Variants in HNF1A observed in about 807,000 individuals in gnomAD.
The protein encoded by HNF1A is hepatocyte nuclear factor 1-alpha.
In HNF1A, 21 loss-of-function variants were observed where a neutral mutation model predicts 62.2. The observed-to-expected ratio is 0.34, with a 90% CI of 0.24 to 0.49. The LOEUF is 0.49. Among genes scored for constraint, HNF1A ranks in the 20% least tolerant of loss-of-function variants. The pLI, the probability that HNF1A is intolerant of heterozygous loss-of-function variation, is 0.99. For missense variants in HNF1A, 687 were observed against 832.3 expected (o/e 0.83, Z 2.15); for synonymous variants, 374 against 366.8 (o/e 1.02, Z -0.22).
chr12:121,000,403 A>AC (rs1386520335), intron 9 of HNF1A: 1 of 161,348 alleles, frequency 6.2e-6, no homozygotes, highest in Non-Finnish European at 1.4e-5. Context: ...CTCATCTCCC[A>AC]CAGCTACCAG....
intron 1 of HNF1A, among the ~76,000 whole-genome samples, chr12:120,982,380 C>A (rs569232078): frequency 6.6e-6 from 1 of 152,038 alleles, no homozygotes; most frequent in Non-Finnish European, 1.5e-5. Flanking sequence ...GCCTTCAAAC[C>A]CCAATCTTGA....
intron 1 of HNF1A, among the ~76,000 whole-genome samples, chr12:120,979,441 A>C (rs1876137373): frequency 1.3e-5 from 2 of 152,020 alleles, no homozygotes; most frequent in South Asian, 4.1e-4. Flanking sequence ...ATTTTTAGCC[A>C]CTCTGATCAT....
At chr12:120,997,069 T>A in intron 6 of HNF1A, 1 of 1,414,722 alleles carries the variant, frequency 7.1e-7, no homozygotes, top group Non-Finnish European at 9.3e-7. Context: ...TGAAGAAAAA[T>A]TAAGCCCAGA....
chr12:120,978,751 C>T lies in HNF1A; in HGVS notation c.-18C>T. 6.2e-7 allele frequency: 1 copy of T among 1,611,858 alleles called. No individual in the cohort carries two copies. Among genetic ancestry groups the T allele is most frequent in the South Asian group, 1.1e-5 (1 of 91,046 alleles). On this transcript the variant is annotated 5_prime_UTR_variant, in exon 1 of 10. Coordinates refer to ENST00000257555, the MANE Select transcript of HNF1A (RefSeq NM_000545.8). ...AGCGTGGTGGACCCGGGCCGCGTGG[C>T]CCTGTGGCAGCCGAGCCATGGTTTC...
chr12:120,993,597 A>T lies in HNF1A; in HGVS notation c.604A>T (p.Asn202Tyr), dbSNP rs2135839250. Residue 202 changes from asparagine to tyrosine, a missense_variant, in exon 3 of 10, where the codon AAC becomes TAC. By Grantham distance (143) the Asn-to-Tyr change is moderately radical. This residue lies in a region of HNF1A where 47 missense variants were observed against 52.5 expected (regional missense o/e 0.90). Transcript: ENST00000257555. The stretch of plus-strand genomic sequence containing the variant: ...GCTACCAACCAAGAAGGGGCGGAGG[A>T]ACCGTTTCAAGTGGGGCCCAGCATC... ...DELPTKKGRRNRFKWGPASQQ... is the reference protein window; with the variant it reads ...DELPTKKGRRYRFKWGPASQQ... The T allele has an allele frequency of 6.2e-7, 1 of 1,614,138 alleles. No individual in the cohort carries two copies. The highest frequency in any genetic ancestry group is 1.1e-5 in the South Asian group (1 of 91,072).
intron 2 of HNF1A, among the ~76,000 whole-genome samples, chr12:120,990,152 A>T (rs1246337722): frequency 5.3e-5 from 8 of 150,948 alleles, no homozygotes; most frequent in South Asian, 2.1e-4. Flanking sequence ...TTATTTTTTT[A>T]TTTTTTTGAG....
At chr12:120,993,768 G>A in intron 3 of HNF1A, 62 bp downstream of exon 3, 2 of 1,551,072 alleles carry the variant, frequency 1.3e-6, no homozygotes. Context: ...CCAGGGAAGG[G>A]GAAGGTGACT....
At chr12:120,994,057 C>T in intron 3 of HNF1A, 107 bp from the exon 4 acceptor site, 1 of 1,483,100 alleles carries the variant, frequency 6.7e-7, no homozygotes, top group Non-Finnish European at 9.2e-7. Flanking sequence ...GATCTGCCAG[C>T]CTCAAACCCT....
chr12:120,987,346 G>A (rs1354263862), intron 1 of HNF1A, among the ~76,000 whole-genome samples: 6 of 151,748 alleles, frequency 4.0e-5, no homozygotes, highest in Non-Finnish European at 8.8e-5. Flanking sequence ...GTGGTGGCGG[G>A]TGCCTGTAGG....
At chr12:120,993,876 C>T (rs750409787) in intron 3 of HNF1A, among the ~76,000 whole-genome samples, 170 bp downstream of exon 3, 3 of 152,134 alleles carry the variant, frequency 2.0e-5, no homozygotes, top group Non-Finnish European at 2.9e-5. Flanking sequence ...GCCCATTCCT[C>T]GCAGCCCCCC....
rs192409501 is a variant in HNF1A at position 120,991,376 on chromosome 12, T to G, written c.527-2144T>G. Among the ~76,000 whole-genome samples, 6 of 152,328 alleles carry G rather than the reference T, an allele frequency of 3.9e-5. No individual in the cohort carries two copies. The Middle Eastern group carries it at 0.014, about 345-fold the overall frequency. The stretch of plus-strand genomic sequence containing the variant: ...TGGGAGGCCAAGGCAGGTGGCTCAC[T>G]TGAGGGCAGGAGTCTGAGACCAGCC... On this transcript the variant is annotated intron_variant, in intron 2 of 9. Coordinates refer to ENST00000257555, the MANE Select transcript of HNF1A (RefSeq NM_000545.8).
intron 7 of HNF1A, among the ~76,000 whole-genome samples, chr12:120,999,001 C>T (rs895275537): frequency 6.6e-6 from 1 of 152,250 alleles, no homozygotes; most frequent in African/African-American, 2.4e-5. Context: ...TACCTGCTGT[C>T]TCCAGGTGAC....
intron 2 of HNF1A, among the ~76,000 whole-genome samples, chr12:120,993,111 A>T (rs1555211872): frequency 6.6e-6 from 1 of 152,238 alleles, no homozygotes; most frequent in Non-Finnish European, 1.5e-5. Context: ...CACTGAGGAC[A>T]TATGGCTCAA....
In HNF1A at chr12:121,001,225, C is replaced by A; in HGVS notation, c.*33C>A. 6.2e-7 allele frequency: 1 copy of A among 1,612,418 alleles called. No homozygotes were observed. The highest frequency in any genetic ancestry group is 8.5e-7 in the Non-Finnish European group (1 of 1,179,476). ...ACCTGGGCCCTGGGGCCTGTACTGC[C>A]TGCTTGGGGGGTGATGAGGGCAGCA... On this transcript the variant is annotated 3_prime_UTR_variant, in exon 10 of 10. Coordinates refer to ENST00000257555, the MANE Select transcript of HNF1A (RefSeq NM_000545.8).
chr12:120,986,832 G>T (rs1028716632), intron 1 of HNF1A, among the ~76,000 whole-genome samples: 1 of 152,010 alleles, frequency 6.6e-6, no homozygotes, highest in Non-Finnish European at 1.5e-5. Flanking sequence ...CAAAAGACCC[G>T]CCCACCTTGG....
intron 1 of HNF1A, among the ~76,000 whole-genome samples, chr12:120,985,733 C>A (rs1876477760): frequency 6.6e-6 from 1 of 151,212 alleles, no homozygotes; most frequent in African/African-American, 2.4e-5. Context: ...ACCTGTAATC[C>A]CAGCACTTTG....
At position 120,978,729 on chromosome 12, in the gene HNF1A, G is replaced by A. The variant is rs565546289; in HGVS notation, c.-40G>A. The A allele has an allele frequency of 4.4e-6, 7 of 1,596,780 alleles. No individual in the cohort carries two copies. The highest frequency in any genetic ancestry group is 1.1e-5 in the South Asian group (1 of 90,654). ...CCACGCGGTGGGGGAGGCGGCTAGC[G>A]TGGTGGACCCGGGCCGCGTGGCCCT... On this transcript the variant is annotated 5_prime_UTR_variant, in exon 1 of 10. It adds an upstream start codon to the 5' untranslated region. Transcript: ENST00000257555.
chr12:120,991,129 T>C (rs1021121637), intron 2 of HNF1A, among the ~76,000 whole-genome samples: 4 of 152,224 alleles, frequency 2.6e-5, no homozygotes, highest in African/African-American at 9.6e-5. Flanking sequence ...TCCTTCTTTA[T>C]ATAAGTGCAT....
intron 2 of HNF1A, among the ~76,000 whole-genome samples, chr12:120,990,593 A>G (rs1876771255): frequency 7.4e-6 from 1 of 134,908 alleles, no homozygotes; most frequent in Admixed American, 7.7e-5. Context: ...AAGAAAGGAA[A>G]GATGATAGGA....
Sources: gnomAD v4.1 joint callset for allele counts (sites outside exome capture counted in the v4.1 genomes callset) on GRCh38, gnomAD v4.1.1 for gene constraint, gnomAD v4.1.1 regional missense constraint, MANE v1.5 for transcripts, NCBI Gene and HGNC (gene_info 2026-07-23, HGNC 2026-07-21) for gene names.